The following CAMKMT variants were observed in gnomAD, a reference collection of about 807,000 sequenced individuals.
CAMKMT encodes calmodulin-lysine N-methyltransferase.
In CAMKMT, 53 loss-of-function variants were observed where a neutral mutation model predicts 48.0. That is an observed-to-expected ratio of 1.10 (90% CI 0.89 to 1.39). The LOEUF (loss-of-function observed/expected upper bound fraction) is 1.39. Among genes scored for constraint, CAMKMT ranks in the 40% most tolerant of loss-of-function variants. The pLI, the probability that CAMKMT is intolerant of heterozygous loss-of-function variation, is 0.00. For synonymous variants in CAMKMT, 165 were observed against 152.3 expected, an observed-to-expected ratio of 1.08 and a Z score of -0.61; for missense variants, 428 against 402.7, an observed-to-expected ratio of 1.06 and a Z score of -0.54.
intron 3 of CAMKMT, among the ~76,000 whole-genome samples, chr2:44,417,724 T>C (rs1373098799): frequency 6.6e-6 from 1 of 152,260 alleles, no homozygotes; most frequent in Non-Finnish European, 1.5e-5. Context: ...TGCTTGGTAC[T>C]GTCAATTATC....
At chr2:44,582,458 G>C (rs546163539) in intron 3 of CAMKMT, among the ~76,000 whole-genome samples, 1 of 152,162 alleles carries the variant, frequency 6.6e-6, no homozygotes, top group East Asian at 1.9e-4. Context: ...CTGGTAAGCT[G>C]TCTCATTCTT....
chr2:44,499,355 G>T (rs1016174119), intron 3 of CAMKMT, among the ~76,000 whole-genome samples: 5 of 152,204 alleles, frequency 3.3e-5, no homozygotes, highest in African/African-American at 1.2e-4. Context: ...AAAGACCTGT[G>T]GTTTCTTGTC....
At chr2:44,376,854 G>A (rs900467801) in intron 2 of CAMKMT, among the ~76,000 whole-genome samples, 17 of 152,234 alleles carry the variant, frequency 1.1e-4, no homozygotes, top group African/African-American at 4.1e-4. Context: ...GTAAAAGTTA[G>A]GTTACAAAAC....
intron 7 of CAMKMT, among the ~76,000 whole-genome samples, chr2:44,721,487 T>C (rs1678458380): frequency 6.6e-6 from 1 of 152,218 alleles, no homozygotes; most frequent in Non-Finnish European, 1.5e-5. Context: ...AATTCTTCTT[T>C]TAATATGCTT....
At chr2:44,512,696 T>C (rs1317045852) in intron 3 of CAMKMT, among the ~76,000 whole-genome samples, 1 of 152,256 alleles carries the variant, frequency 6.6e-6, no homozygotes, top group African/African-American at 2.4e-5. Flanking sequence ...AAAATATCTA[T>C]ACCTAAATCT....
At chr2:44,512,881 C>T (rs1222733529) in intron 3 of CAMKMT, among the ~76,000 whole-genome samples, 1 of 152,140 alleles carries the variant, frequency 6.6e-6, no homozygotes, top group Non-Finnish European at 1.5e-5. Context: ...CTAGGATCTC[C>T]TGAAGAGCTT....
chr2:44,516,869 G>A (rs950129325), intron 3 of CAMKMT, among the ~76,000 whole-genome samples: 5 of 151,478 alleles, frequency 3.3e-5, no homozygotes, highest in Non-Finnish European at 7.4e-5. Flanking sequence ...AGCCTCCCGA[G>A]TAGCAGGGAT....
At position 44,461,221 on chromosome 2, in the gene CAMKMT, G is replaced by A. The variant is rs532200406; in HGVS notation, c.376+70916G>A. ...AATTAAGGGCTTTTGTGTATACCTCGTTGTAATCCAGACTGACATCTCTGT... is the reference window on the plus strand; with the variant it reads ...AATTAAGGGCTTTTGTGTATACCTCATTGTAATCCAGACTGACATCTCTGT... On this transcript the variant is annotated intron_variant, in intron 3 of 10. Transcript: ENST00000378494. Among the ~76,000 whole-genome samples the A allele has an allele frequency of 2.6e-5, 4 of 152,168 alleles. No individual in the cohort carries two copies. The East Asian group carries it at 5.8e-4, about 22-fold the overall frequency.
intron 3 of CAMKMT, among the ~76,000 whole-genome samples, chr2:44,673,152 G>A (rs549296672): frequency 8.1e-4 from 124 of 152,160 alleles, no homozygotes; most frequent in Non-Finnish European, 1.3e-3. Flanking sequence ...TAGGCTGGGC[G>A]ACGTGGCTCA....
At chr2:44,679,826 C>G (rs910455402) in intron 3 of CAMKMT, among the ~76,000 whole-genome samples, 4 of 152,342 alleles carry the variant, frequency 2.6e-5, no homozygotes, top group African/African-American at 9.6e-5. Context: ...AAGCATCAGG[C>G]TGACTGTGCA....
chr2:44,402,130 C>T (rs181837212), intron 3 of CAMKMT, among the ~76,000 whole-genome samples: 114 of 152,136 alleles, frequency 7.5e-4, no homozygotes, highest in Non-Finnish European at 1.3e-3. Context: ...CGTTCGAGAC[C>T]AGCCTGGCCA....
At chr2:44,407,315 G>A (rs926670630) in intron 3 of CAMKMT, among the ~76,000 whole-genome samples, 1 of 152,128 alleles carries the variant, frequency 6.6e-6, no homozygotes, top group Non-Finnish European at 1.5e-5. Context: ...TGTTAAGTTG[G>A]TTCAAGGCTT....
chr2:44,729,907 T>A (rs1303006822), intron 7 of CAMKMT, among the ~76,000 whole-genome samples: 1 of 151,922 alleles, frequency 6.6e-6, no homozygotes, highest in East Asian at 1.9e-4. Context: ...AACTCTGGAG[T>A]TGAAGCTCAG....
At chr2:44,491,546 A>G (rs1669506491) in intron 3 of CAMKMT, among the ~76,000 whole-genome samples, 5 of 152,236 alleles carry the variant, frequency 3.3e-5, no homozygotes, top group Admixed American at 2.6e-4. Flanking sequence ...TTAATTTAAT[A>G]AAGTAACTCT....
chr2:44,625,769 T>G (rs989171858), intron 3 of CAMKMT, among the ~76,000 whole-genome samples: 1 of 152,204 alleles, frequency 6.6e-6, no homozygotes. Flanking sequence ...GAAAAGATCA[T>G]CTTTTCTCCC....
chr2:44,600,429 G>A (rs1219824697), intron 3 of CAMKMT, among the ~76,000 whole-genome samples: 1 of 151,776 alleles, frequency 6.6e-6, no homozygotes, highest in Non-Finnish European at 1.5e-5. Flanking sequence ...AGCACACCCA[G>A]CTAATTTTTG....
intron 3 of CAMKMT, among the ~76,000 whole-genome samples, chr2:44,697,004 G>T (rs1400243184): frequency 6.6e-6 from 1 of 152,038 alleles, no homozygotes; most frequent in African/African-American, 2.4e-5. Context: ...AATAAGAGAT[G>T]CAAAGCAAGA....
At chr2:44,414,834 AG>A (rs1240211517) in intron 3 of CAMKMT, among the ~76,000 whole-genome samples, 5 of 152,228 alleles carry the variant, frequency 3.3e-5, no homozygotes, top group Non-Finnish European at 5.9e-5. Context: ...CATTTAGATT[AG>A]TACAGCTAGA....
intron 3 of CAMKMT, among the ~76,000 whole-genome samples, chr2:44,495,266 G>C (rs1669701286): frequency 6.6e-6 from 1 of 151,930 alleles, no homozygotes; most frequent in South Asian, 2.1e-4. Context: ...TACGCCTCCT[G>C]AGTAGCCTGG....
Sources: allele counts gnomAD v4.1 joint callset (sites outside exome capture counted in the v4.1 genomes callset), GRCh38; gene constraint gnomAD v4.1.1; transcripts MANE v1.5; gene names NCBI Gene and HGNC (gene_info 2026-07-23, HGNC 2026-07-21).